CLSTN1: variants seen among roughly 807,000 people sequenced by gnomAD.
The protein encoded by CLSTN1 is calsyntenin-1.
Under a neutral mutation model 108.3 loss-of-function variants are expected in CLSTN1, and 28 were observed. The observed-to-expected ratio is 0.26, with a 90% CI of 0.19 to 0.35. The LOEUF is 0.35. Ranked by LOEUF, CLSTN1 falls within the 10% of genes least tolerant of loss-of-function variation. The pLI, the probability that CLSTN1 is intolerant of heterozygous loss-of-function variation, is 1.00. For synonymous variants in CLSTN1, 524 were observed against 534.9 expected, an observed-to-expected ratio of 0.98 and a Z score of 0.28; for missense variants, 1,157 against 1,302.6, an observed-to-expected ratio of 0.89 and a Z score of 1.72.
intron 1 of CLSTN1, among the ~76,000 whole-genome samples, chr1:9,818,880 G>A (rs1219913403): frequency 1.5e-5 from 2 of 134,662 alleles, no homozygotes; most frequent in Admixed American, 1.7e-4. Context: ...TCCACCTCCC[G>A]GGTTCACGCC....
At chr1:9,759,534 G>C (rs184234461) in intron 2 of CLSTN1, among the ~76,000 whole-genome samples, 1 of 152,140 alleles carries the variant, frequency 6.6e-6, no homozygotes, top group Admixed American at 6.6e-5. Context: ...CGCCCGCCTC[G>C]GCCTCCCAAA....
chr1:9,763,306 G>A (rs1652174098), intron 2 of CLSTN1, among the ~76,000 whole-genome samples: 1 of 152,162 alleles, frequency 6.6e-6, no homozygotes, highest in Non-Finnish European at 1.5e-5. Flanking sequence ...GACTCCAAGA[G>A]TTACGCTCTC....
chr1:9,744,647 A>C lies in CLSTN1; in HGVS notation c.986-4T>G, dbSNP rs1651163143. 6.2e-7 allele frequency: 1 copy of C among 1,605,470 alleles called. No individual in the cohort carries two copies. The highest frequency in any genetic ancestry group is 1.7e-5 in the Admixed American group (1 of 59,564). ...TCGGCAGTGCCCGCGGCCGCACCTGAAGCCACAGTGCTCGGTGAAACTCAT... is the reference window on the plus strand; with the variant it reads ...TCGGCAGTGCCCGCGGCCGCACCTGCAGCCACAGTGCTCGGTGAAACTCAT... On this transcript the variant is annotated splice_polypyrimidine_tract_variant and splice_region_variant and intron_variant, in intron 7 of 18. Coordinates refer to ENST00000377298, the MANE Select transcript of CLSTN1 (RefSeq NM_001009566.3).
chr1:9,785,578 A>G (rs546564466), intron 1 of CLSTN1, among the ~76,000 whole-genome samples: 14 of 152,160 alleles, frequency 9.2e-5, no homozygotes, highest in African/African-American at 3.1e-4. Flanking sequence ...CCTCAAAACC[A>G]CTGGATGTCC....
chr1:9,808,506 A>G (rs1456081624), intron 1 of CLSTN1, among the ~76,000 whole-genome samples: 3 of 152,194 alleles, frequency 2.0e-5, no homozygotes, highest in African/African-American at 7.2e-5. Context: ...ACCGATCAAT[A>G]TGAGTTACCT....
chr1:9,749,538 A>G lies in CLSTN1; in HGVS notation c.908T>C (p.Val303Ala), dbSNP rs1312631914. 6.2e-7 allele frequency: 1 copy of G among 1,614,124 alleles called. No individual in the cohort carries two copies. The highest frequency in any genetic ancestry group is 1.1e-5 in the South Asian group (1 of 91,074). ...DEPVASVQAT[V>A]ELETSHIGKG... ...CCCTATGTGGCTGGTTTCTAGCTCC[A>G]CTGTGGCCTGTACTGAGGCGACTGG... Residue 303 changes from valine to alanine, a missense_variant, in exon 7 of 19, where the codon GTG becomes GCG. Val to Ala is a moderately conservative substitution (Grantham distance 64). Coordinates refer to ENST00000377298, the MANE Select transcript of CLSTN1 (RefSeq NM_001009566.3).
intron 2 of CLSTN1, among the ~76,000 whole-genome samples, chr1:9,757,366 C>A (rs1357291649): frequency 6.6e-6 from 1 of 151,028 alleles, no homozygotes; most frequent in Non-Finnish European, 1.5e-5. Context: ...CTCAGCCTCC[C>A]GAGTAGCTGG....
chr1:9,792,888 T>C (rs768081193), intron 1 of CLSTN1, among the ~76,000 whole-genome samples: 28 of 151,388 alleles, frequency 1.8e-4, no homozygotes, highest in Non-Finnish European at 3.4e-4. Context: ...AGCTAAGTTT[T>C]GTGAAACGGA....
chr1:9,759,056 G>A (rs1651947536), intron 2 of CLSTN1, among the ~76,000 whole-genome samples: 1 of 152,134 alleles, frequency 6.6e-6, no homozygotes, highest in Non-Finnish European at 1.5e-5. Flanking sequence ...GCCACATGTG[G>A]CTGGTGGCTG....
At chr1:9,801,619 A>C (rs559092120) in intron 1 of CLSTN1, among the ~76,000 whole-genome samples, 1 of 152,192 alleles carries the variant, frequency 6.6e-6, no homozygotes, top group East Asian at 1.9e-4. Context: ...CAGTGGCACG[A>C]TCTCGGCTCA....
At chr1:9,751,289 A>T (rs1200668483) in intron 5 of CLSTN1, among the ~76,000 whole-genome samples, 184 bp downstream of exon 5, 4 of 152,190 alleles carry the variant, frequency 2.6e-5, no homozygotes, top group Admixed American at 6.6e-5. Flanking sequence ...TCCAGAGAAG[A>T]AGTTGTCAGG....
At chr1:9,816,892 C>T (rs369346736) in intron 1 of CLSTN1, among the ~76,000 whole-genome samples, 1 of 152,188 alleles carries the variant, frequency 6.6e-6, no homozygotes, top group Non-Finnish European at 1.5e-5. Flanking sequence ...GATGATCCGC[C>T]CACCTCGGCC....
intron 1 of CLSTN1, among the ~76,000 whole-genome samples, chr1:9,817,558 C>T (rs549831097): frequency 6.6e-6 from 1 of 152,070 alleles, no homozygotes; most frequent in Admixed American, 6.6e-5. Context: ...GAACTCCTGA[C>T]CTAAGGTGAT....
chr1:9,809,859 C>T (rs1183611834), intron 1 of CLSTN1, among the ~76,000 whole-genome samples: 2 of 150,988 alleles, frequency 1.3e-5, no homozygotes, highest in African/African-American at 4.9e-5. Flanking sequence ...CGAGATCACA[C>T]CACCGCACTC....
At chr1:9,786,131 G>A (rs1404343321) in intron 1 of CLSTN1, among the ~76,000 whole-genome samples, 1 of 152,176 alleles carries the variant, frequency 6.6e-6, no homozygotes, top group Non-Finnish European at 1.5e-5. Context: ...GGAGGTTGCA[G>A]TGAGCTGAGA....
intron 4 of CLSTN1, among the ~76,000 whole-genome samples, chr1:9,752,934 A>G (rs1198428760): frequency 6.6e-6 from 1 of 152,186 alleles, no homozygotes; most frequent in Non-Finnish European, 1.5e-5. Context: ...AAATTTGCAC[A>G]ATGCCAAAGG....
At chr1:9,809,265 T>C (rs568671780) in intron 1 of CLSTN1, among the ~76,000 whole-genome samples, 1 of 152,280 alleles carries the variant, frequency 6.6e-6, no homozygotes, top group East Asian at 1.9e-4. Flanking sequence ...CAGGAGTCAC[T>C]CTGAAGCGCC....
chr1:9,744,995 G>C (rs905900587), intron 7 of CLSTN1, among the ~76,000 whole-genome samples: 5 of 152,134 alleles, frequency 3.3e-5, no homozygotes, highest in Non-Finnish European at 5.9e-5. Context: ...CTCGTGATCC[G>C]CCTGACTCGG....
chr1:9,764,394 T>C (rs1652224175), intron 2 of CLSTN1, among the ~76,000 whole-genome samples: 1 of 152,090 alleles, frequency 6.6e-6, no homozygotes, highest in African/African-American at 2.4e-5. Context: ...CCCAACACTT[T>C]GGGAGGCCAA....
Sources: allele counts gnomAD v4.1 joint callset (sites outside exome capture counted in the v4.1 genomes callset), GRCh38; gene constraint gnomAD v4.1.1; transcripts MANE v1.5; gene names NCBI Gene and HGNC (gene_info 2026-07-23, HGNC 2026-07-21).